The following TRIM40 variants were observed in gnomAD, a reference collection of about 807,000 sequenced individuals.
TRIM40 encodes the protein tripartite motif containing 40, also known as E3 ubiquitin ligase TRIM40.
TRIM40 carries 27 observed loss-of-function variants against 26.1 expected under a neutral mutation model. That is an observed-to-expected ratio of 1.04 (90% CI 0.76 to 1.43). The LOEUF is 1.43. TRIM40 is among the 40% of genes most tolerant of loss of function. TRIM40 has a pLI of 0.00. For synonymous variants in TRIM40, 114 were observed against 120.0 expected (o/e 0.95, Z 0.33); for missense variants, 289 against 307.9 (o/e 0.94, Z 0.46).
intron 4 of TRIM40, 70 bp from the exon 5 acceptor site, chr6:30,147,450 T>C (rs1771737259): frequency 1.2e-6 from 2 of 1,611,652 alleles, no homozygotes. Flanking sequence ...CAAGAGTGAA[T>C]TGGGAAAGGA....
chr6:30,147,261 C>T, intron 4 of TRIM40, 52 bp downstream of exon 4: 1 of 1,597,402 alleles, frequency 6.3e-7, no homozygotes, highest in Non-Finnish European at 8.6e-7. Context: ...CGATAGGAGG[C>T]AGCCCATCTG....
At chr6:30,146,558 T>C (rs899279245) in intron 3 of TRIM40, among the ~76,000 whole-genome samples, 25 of 152,160 alleles carry the variant, frequency 1.6e-4, no homozygotes, top group Middle Eastern at 6.8e-3. Flanking sequence ...CTACAGGCAC[T>C]TGCCACCACG....
intron 2 of TRIM40, among the ~76,000 whole-genome samples, chr6:30,142,487 G>T (rs1771403491): frequency 6.6e-6 from 1 of 152,108 alleles, no homozygotes; most frequent in Admixed American, 6.5e-5. Flanking sequence ...TGGATAATGA[G>T]CTCCATTAGT....
chr6:30,138,837 A>G (rs1771167487), intron 2 of TRIM40, among the ~76,000 whole-genome samples: 1 of 152,216 alleles, frequency 6.6e-6, no homozygotes, highest in African/African-American at 2.4e-5. Context: ...TTTGGAGAAC[A>G]TGTTATGATA....
chr6:30,146,883 A>C (rs1771694871), intron 3 of TRIM40, 102 bp from the exon 4 acceptor site: 3 of 1,196,880 alleles, frequency 2.5e-6, no homozygotes, highest in Non-Finnish European at 3.6e-6. Context: ...CATGAGGGCA[A>C]GAGGACTGAG....
At chr6:30,139,276 C>T (rs1771192873) in intron 2 of TRIM40, among the ~76,000 whole-genome samples, 1 of 151,628 alleles carries the variant, frequency 6.6e-6, no homozygotes, top group Admixed American at 6.6e-5. Flanking sequence ...TTCCTTCTGC[C>T]AGGAGTTTGC....
chr6:30,139,339 C>CTTTTT (rs9278591), intron 2 of TRIM40, among the ~76,000 whole-genome samples: 16 of 77,858 alleles, frequency 2.1e-4, no homozygotes, highest in South Asian at 5.3e-4. Flanking sequence ...ACTTTTTTTT[C>CTTTTT]TTTTTTTTTT....
rs1771027698 is a variant in TRIM40 at position 30,136,844 on chromosome 6, T to TC, written c.-193_-192insC. Reference sequence around the variant, plus strand: ...GCAGAATTGTGGTTTGTGTGGTCTATGTCACGGCACCCTTGAGGGAGAGTG... The same window carrying TC: ...GCAGAATTGTGGTTTGTGTGGTCTATCGTCACGGCACCCTTGAGGGAGAGTG... On this transcript the variant is annotated 5_prime_UTR_variant, in exon 2 of 6. An upstream start codon of the reference 5' UTR is lost. Coordinates refer to ENST00000396581, the MANE Select transcript of TRIM40 (RefSeq NM_001286633.2). 2 of 601,620 alleles carry TC rather than the reference T, an allele frequency of 3.3e-6. No individual in the cohort carries two copies. Among genetic ancestry groups the TC allele is most frequent in the Non-Finnish European group, 5.9e-6 (2 of 340,492 alleles). 37.3% of individuals were successfully genotyped at this position (601,620 alleles called of 1,614,324 possible). A position where few individuals can be genotyped will look rare whatever the true frequency, so the allele number is the denominator to read the frequency against.
intron 2 of TRIM40, among the ~76,000 whole-genome samples, chr6:30,142,600 T>C (rs1771409308): frequency 2.0e-5 from 3 of 152,214 alleles, no homozygotes; most frequent in Non-Finnish European, 2.9e-5. Flanking sequence ...TATTCTTTTT[T>C]ATAATATAAT....
At position 30,147,844 on chromosome 6, in the gene TRIM40, C is replaced by G; in HGVS notation, c.*32C>G. ...CATCCCTGGGACACCTCACTTCAGG[C>G]TCACCTCAGCCTCCTCTCTCTCCTT... On this transcript the variant is annotated 3_prime_UTR_variant, in exon 6 of 6. Coordinates refer to ENST00000396581, the MANE Select transcript of TRIM40 (RefSeq NM_001286633.2). The G allele has an allele frequency of 6.3e-7, 1 of 1,590,968 alleles. No homozygotes were observed. Among genetic ancestry groups the G allele is most frequent in the Non-Finnish European group, 8.6e-7 (1 of 1,158,942 alleles).
rs115651142 is a variant in TRIM40, at chr6:30,147,543, G to T, written c.689+1G>T. On this transcript the variant is annotated splice_donor_variant, in intron 5 of 5. Coordinates refer to ENST00000396581, the MANE Select transcript of TRIM40 (RefSeq NM_001286633.2). LOFTEE classifies it high-confidence loss of function. ...AGAATGCTGGTGACTTACTGAACAG[G>T]TACGAGCTGTCCCTTCTTCTTTCCC... 7.6e-3 allele frequency: 12,331 copies of T among 1,614,132 alleles called. 105 individuals carry two copies. Among genetic ancestry groups the T allele is most frequent in the Middle Eastern group, 0.021 (128 of 6,062 alleles).
At position 30,137,116 on chromosome 6, in the gene TRIM40, C is replaced by A; in HGVS notation, c.80C>A (p.Thr27Asn). The A allele has an allele frequency of 6.2e-7, 1 of 1,613,108 alleles. No individual in the cohort carries two copies. Among genetic ancestry groups the A allele is most frequent in the Non-Finnish European group, 8.5e-7 (1 of 1,180,034 alleles). Residue 27 changes from threonine to asparagine, a missense_variant, in exon 2 of 6, where the codon ACC becomes AAC. By Grantham distance (65) the Thr-to-Asn change is moderately conservative. Coordinates refer to ENST00000396581, the MANE Select transcript of TRIM40 (RefSeq NM_001286633.2). ...CQESLKEAVS[T>N]NCGHLFCRVC... ...GAGAGCCTGAAGGAGGCCGTGAGCACCAACTGCGGACATCTCTTCTGTCGA... is the reference window on the plus strand; with the variant it reads ...GAGAGCCTGAAGGAGGCCGTGAGCAACAACTGCGGACATCTCTTCTGTCGA...
At position 30,148,070 on chromosome 6, in the gene TRIM40, G is replaced by A. The variant is rs1191686706; in HGVS notation, c.*258G>A. The A allele has an allele frequency of 1.8e-6, 1 of 560,760 alleles. No individual in the cohort carries two copies. The highest frequency in any genetic ancestry group is 3.2e-6 in the Non-Finnish European group (1 of 315,052). 34.7% of individuals were successfully genotyped at this position (560,760 alleles called of 1,614,324 possible). A position where few individuals can be genotyped will look rare whatever the true frequency, so the allele number is the denominator to read the frequency against. On this transcript the variant is annotated 3_prime_UTR_variant, in exon 6 of 6. Transcript: ENST00000396581. ...TGGAGGTCGGGGCCCATGGTCTCCA[G>A]GAGCATTTGTGAAATCTCCATTTTG...
At chr6:30,141,793 G>C (rs1318614197) in intron 2 of TRIM40, among the ~76,000 whole-genome samples, 3 of 152,188 alleles carry the variant, frequency 2.0e-5, no homozygotes, top group Non-Finnish European at 4.4e-5. Context: ...GATGTGAAAG[G>C]TTTGAAAAGA....
intron 2 of TRIM40, among the ~76,000 whole-genome samples, chr6:30,142,413 T>C (rs1201177165): frequency 1.3e-5 from 2 of 152,364 alleles, no homozygotes; most frequent in East Asian, 3.9e-4. Context: ...AGACTCGCTG[T>C]CTGCATTTTC....
intron 2 of TRIM40, among the ~76,000 whole-genome samples, chr6:30,139,759 G>A (rs1307027529): frequency 1.3e-5 from 2 of 152,162 alleles, no homozygotes; most frequent in Non-Finnish European, 2.9e-5. Flanking sequence ...TGCAAAGACA[G>A]GGGGTAGGGA....
intron 2 of TRIM40, 74 bp downstream of exon 2, chr6:30,137,455 C>T (rs1771088218): frequency 7.6e-7 from 1 of 1,320,356 alleles, no homozygotes; most frequent in Admixed American, 1.8e-5. Context: ...TTCATCATGC[C>T]TGGCACCTCA....
chr6:30,147,231 C>G, intron 4 of TRIM40, 22 bp downstream of exon 4: 1 of 1,613,250 alleles, frequency 6.2e-7, no homozygotes, highest in Non-Finnish European at 8.5e-7. Context: ...GAGGCCTTCC[C>G]CAAGGGCTGG....
chr6:30,137,421 C>T (rs774455619), intron 2 of TRIM40, 40 bp downstream of exon 2: 33 of 1,558,448 alleles, frequency 2.1e-5, no homozygotes, highest in Admixed American at 8.5e-5. Context: ...GCCTCCACCT[C>T]GCTGAGGTGC....
Sources: gnomAD v4.1 joint callset for allele counts (sites outside exome capture counted in the v4.1 genomes callset) on GRCh38, gnomAD v4.1.1 for gene constraint, MANE v1.5 for transcripts, NCBI Gene and HGNC (gene_info 2026-07-23, HGNC 2026-07-21) for gene names.